Variants in KCNH1 observed in about 807,000 individuals in gnomAD.
KCNH1 encodes the protein potassium voltage-gated channel subfamily H member 1.
A neutral mutation model predicts 69.2 loss-of-function variants in KCNH1; 27 were observed. The ratio of observed to expected loss-of-function variants is 0.39; its 90% CI spans 0.29 to 0.54. The LOEUF (loss-of-function observed/expected upper bound fraction) is 0.54, where lower values mean the gene tolerates loss of function less well. Ranked by LOEUF, KCNH1 falls within the 20% of genes least tolerant of loss-of-function variation. The pLI is 0.68. For synonymous variants in KCNH1, 456 were observed against 487.7 expected (o/e 0.93, Z 0.86); for missense variants, 798 against 1,261.6 (o/e 0.63, Z 5.57).
intron 9 of KCNH1, among the ~76,000 whole-genome samples, chr1:210,780,986 G>T (rs1683968323): frequency 6.6e-6 from 1 of 152,174 alleles, no homozygotes; most frequent in African/African-American, 2.4e-5. Context: ...GATGGAGCTT[G>T]CAGTGAGCCG....
intron 1 of KCNH1, among the ~76,000 whole-genome samples, chr1:211,129,697 C>G (rs749510023): frequency 6.6e-6 from 1 of 152,176 alleles, no homozygotes; most frequent in Non-Finnish European, 1.5e-5. Flanking sequence ...AACCAGTTTT[C>G]TGTTTTATAA....
At position 210,684,089 on chromosome 1, in the gene KCNH1, A is replaced by T. The variant is rs140043333; in HGVS notation, c.2162T>A (p.Met721Lys). ...CAGGGGGGCCTCATTCTTTCGTTTCATGCGTTCTTCCTCTTCACGTTTCAC... is the reference window on the plus strand; with the variant it reads ...CAGGGGGGCCTCATTCTTTCGTTTCTTGCGTTCTTCCTCTTCACGTTTCAC... Reference protein sequence around the residue: ...SDVKREEEERMKRKNEAPLIL... With the variant: ...SDVKREEEERKKRKNEAPLIL... The change falls in exon 11 of 11, where the codon ATG becomes AAG. Residue 721 changes from methionine (M) to lysine (K), a missense_variant. This residue lies in a region of KCNH1 where 331 missense variants were observed against 363.2 expected (regional missense o/e 0.91). Transcript: ENST00000271751. The T allele has an allele frequency of 6.6e-7, 1 of 1,516,288 alleles. No homozygotes were observed. Among genetic ancestry groups the T allele is most frequent in the Non-Finnish European group, 8.8e-7 (1 of 1,132,352 alleles). 93.9% of individuals were successfully genotyped at this position (1,516,288 alleles called of 1,614,324 possible).
chr1:210,756,582 T>C (rs946013603), intron 10 of KCNH1, among the ~76,000 whole-genome samples: 2 of 152,184 alleles, frequency 1.3e-5, no homozygotes, highest in African/African-American at 4.8e-5. Context: ...TTTGCTACTA[T>C]AGGCAGCTCA....
chr1:210,741,659 C>T (rs1378392913), intron 10 of KCNH1, among the ~76,000 whole-genome samples: 1 of 152,172 alleles, frequency 6.6e-6, no homozygotes, highest in African/African-American at 2.4e-5. Flanking sequence ...GGAAGGCCCT[C>T]ACTGAAAGCC....
At chr1:210,991,602 G>GA (rs1688936706) in intron 6 of KCNH1, among the ~76,000 whole-genome samples, 1 of 68,678 alleles carries the variant, frequency 1.5e-5, no homozygotes, top group African/African-American at 8.2e-5. Flanking sequence ...TTCTGTTCTT[G>GA]CCACACACAC....
intron 7 of KCNH1, among the ~76,000 whole-genome samples, chr1:210,822,560 T>C (rs1057262731): frequency 1.3e-5 from 2 of 152,194 alleles, no homozygotes; most frequent in Admixed American, 6.5e-5. Flanking sequence ...CTTGGTTGAA[T>C]GCTCCACTGT....
intron 10 of KCNH1, among the ~76,000 whole-genome samples, chr1:210,742,878 T>C (rs1211743000): frequency 6.6e-6 from 1 of 152,094 alleles, no homozygotes; most frequent in Non-Finnish European, 1.5e-5. Context: ...TGCACGTGCA[T>C]GTGTGTGTGT....
Position 210,681,260 on chromosome 1 carries a change from C to G in KCNH1, c.*2021G>C, listed in dbSNP as rs1451182681. ...ACCCAAGGACTGGTTGGCAGCTTCT[C>G]AAGTGAAAGAGGCTGAAGGCCTCAC... On this transcript the variant is annotated 3_prime_UTR_variant, in exon 11 of 11. Transcript: ENST00000271751. 1.3e-5 allele frequency: 2 copies of G among 152,204 alleles called. No homozygotes were observed. Among genetic ancestry groups the G allele is most frequent in the African/African-American group, 4.8e-5 (2 of 41,448 alleles). The allele number at this position is 152,204 out of a possible 1,614,324, so 9.4% of individuals were successfully genotyped here. A position where few individuals can be genotyped will look rare whatever the true frequency, so the allele number is the denominator to read the frequency against.
At chr1:210,775,643 A>G in intron 9 of KCNH1, 99 bp from the exon 10 acceptor site, 1 of 803,440 alleles carries the variant, frequency 1.2e-6, no homozygotes, top group Non-Finnish European at 2.0e-6. Context: ...TCCTTTCAGC[A>G]TTCTGCAGAT....
chr1:210,684,245 T>C, intron 10 of KCNH1, 107 bp from the exon 11 acceptor site: 1 of 1,224,424 alleles, frequency 8.2e-7, no homozygotes, highest in South Asian at 2.2e-5. Context: ...CCAGTCCACC[T>C]GCCACCAAGA....
chr1:210,732,874 C>G (rs1319164547), intron 10 of KCNH1, among the ~76,000 whole-genome samples: 1 of 152,184 alleles, frequency 6.6e-6, no homozygotes, highest in Non-Finnish European at 1.5e-5. Context: ...CTAATACCAT[C>G]ACCTTGGTGG....
rs1400871487 is a variant in KCNH1, at chr1:211,087,633, ACACACG to A, written c.439+2923_439+2928del. On this transcript the variant is annotated intron_variant, in intron 4 of 10. Coordinates refer to ENST00000271751, the MANE Select transcript of KCNH1 (RefSeq NM_172362.3). ...CACACACACACACACACACACACAC[ACACACG>A]CACACACACACACACACACACACAC... Among the ~76,000 whole-genome samples the A allele has an allele frequency of 5.6e-4, 19 of 34,168 alleles. No individual in the cohort carries two copies. In the South Asian group the frequency reaches 0.01, roughly 19 times the overall value. 22.4% of individuals were successfully genotyped at this position (34,168 alleles called of 152,430 possible).
chr1:210,888,777 C>T (rs1185010049), intron 7 of KCNH1, among the ~76,000 whole-genome samples: 3 of 152,184 alleles, frequency 2.0e-5, no homozygotes, highest in South Asian at 4.1e-4. Flanking sequence ...ACTATAAACG[C>T]CTCTATGCGA....
chr1:210,815,197 T>A (rs1381615382), intron 7 of KCNH1, among the ~76,000 whole-genome samples: 2 of 152,182 alleles, frequency 1.3e-5, no homozygotes, highest in Non-Finnish European at 2.9e-5. Flanking sequence ...TTCTGAGGCA[T>A]GTTAAAGTTT....
intron 7 of KCNH1, among the ~76,000 whole-genome samples, chr1:210,808,806 G>A (rs899183798): frequency 6.6e-6 from 1 of 152,146 alleles, no homozygotes; most frequent in Non-Finnish European, 1.5e-5. Context: ...ACCTAACTGG[G>A]AGAGAAGACA....
intron 5 of KCNH1, among the ~76,000 whole-genome samples, chr1:211,044,476 C>T (rs1343005654): frequency 6.6e-6 from 1 of 152,176 alleles, no homozygotes; most frequent in African/African-American, 2.4e-5. Context: ...AAACAGACAA[C>T]CCACAGAGTG....
At chr1:210,884,721 C>T (rs567854579) in intron 7 of KCNH1, among the ~76,000 whole-genome samples, 25 of 152,320 alleles carry the variant, frequency 1.6e-4, no homozygotes, top group African/African-American at 6.0e-4. Context: ...ACTCCCCTAC[C>T]AAAGCCGTGC....
chr1:210,710,339 A>T (rs1205959450), intron 10 of KCNH1, among the ~76,000 whole-genome samples: 2 of 151,968 alleles, frequency 1.3e-5, no homozygotes, highest in Non-Finnish European at 2.9e-5. Context: ...ACATTCCTGT[A>T]CACTACTATA....
At chr1:211,093,923 A>C (rs978960983) in intron 3 of KCNH1, among the ~76,000 whole-genome samples, 1 of 152,150 alleles carries the variant, frequency 6.6e-6, no homozygotes, top group African/African-American at 2.4e-5. Context: ...TGGTAGGAGG[A>C]GAAGCCTGCA....
Sources: allele counts gnomAD v4.1 joint callset (sites outside exome capture counted in the v4.1 genomes callset), GRCh38; gene constraint gnomAD v4.1.1; regional missense constraint gnomAD v4.1.1; transcripts MANE v1.5; gene names NCBI Gene and HGNC (gene_info 2026-07-23, HGNC 2026-07-21).